Variants in TP63 observed in about 807,000 individuals in gnomAD.
The protein encoded by TP63 is tumor protein 63.
In TP63, 17 loss-of-function variants were observed where a neutral mutation model predicts 82.8. The observed-to-expected ratio is 0.21, with a 90% CI of 0.14 to 0.31. The LOEUF (loss-of-function observed/expected upper bound fraction) is 0.31, where lower values mean the gene tolerates loss of function less well. Among genes scored for constraint, TP63 ranks in the 10% least tolerant of loss-of-function variants. The pLI is 1.00. For synonymous variants in TP63, 330 were observed against 321.7 expected, an observed-to-expected ratio of 1.03 and a Z score of -0.28; for missense variants, 648 against 895.3, an observed-to-expected ratio of 0.72 and a Z score of 3.52.
intron 1 of TP63, among the ~76,000 whole-genome samples, chr3:189,720,863 G>A (rs142909410): frequency 2.6e-5 from 4 of 152,124 alleles, no homozygotes; most frequent in African/African-American, 9.6e-5. Context: ...CTCACACTAA[G>A]AGACAGCAAA....
chr3:189,645,741 T>A (rs1469302465), intron 1 of TP63, among the ~76,000 whole-genome samples: 2 of 145,666 alleles, frequency 1.4e-5, no homozygotes, highest in Non-Finnish European at 1.5e-5. Flanking sequence ...CACCTATGAG[T>A]GAGAACATGC....
the TP63 span, among the ~76,000 whole-genome samples, chr3:189,604,161 C>T: frequency 3.9e-5 from 6 of 152,278 alleles, no homozygotes; most frequent in South Asian, 4.1e-4. Flanking sequence ...TACCTCCTTG[C>T]GTGTCCATTC....
At chr3:189,756,264 AT>A (rs1255803630) in intron 3 of TP63, among the ~76,000 whole-genome samples, 1 of 152,182 alleles carries the variant, frequency 6.6e-6, no homozygotes, top group Non-Finnish European at 1.5e-5. Flanking sequence ...AAGAAAATAT[AT>A]TTCACATAGC....
chr3:189,795,380 G>A (rs993914602), intron 3 of TP63, among the ~76,000 whole-genome samples: 1 of 152,038 alleles, frequency 6.6e-6, no homozygotes, highest in African/African-American at 2.4e-5. Context: ...GGAGTTATGA[G>A]GGGTTCGTAA....
intron 10 of TP63, among the ~76,000 whole-genome samples, chr3:189,883,325 G>C (rs1444808256): frequency 6.6e-6 from 1 of 152,086 alleles, no homozygotes; most frequent in Non-Finnish European, 1.5e-5. Context: ...AGACTACCTT[G>C]CTTCCCTTCC....
At chr3:189,753,963 A>G (rs796084879) in intron 3 of TP63, among the ~76,000 whole-genome samples, 6 of 152,250 alleles carry the variant, frequency 3.9e-5, no homozygotes, top group African/African-American at 1.2e-4. Flanking sequence ...TCACACCTTT[A>G]TGTGATACTC....
At chr3:189,715,589 T>TCA (rs1219628615) in intron 1 of TP63, among the ~76,000 whole-genome samples, 1 of 152,156 alleles carries the variant, frequency 6.6e-6, no homozygotes, top group Non-Finnish European at 1.5e-5. Context: ...CTTAATAAGG[T>TCA]CACGGGTTGT....
chr3:189,612,393 A>G, the TP63 span, among the ~76,000 whole-genome samples: 1 of 151,918 alleles, frequency 6.6e-6, no homozygotes. Flanking sequence ...CTTCTTTCTC[A>G]TTTTTCTCTT....
At chr3:189,780,249 T>G (rs1288711987) in intron 3 of TP63, among the ~76,000 whole-genome samples, 1 of 152,176 alleles carries the variant, frequency 6.6e-6, no homozygotes, top group Non-Finnish European at 1.5e-5. Context: ...ATATAAGAGA[T>G]GTATGCTTTG....
chr3:189,606,519 T>G, the TP63 span, among the ~76,000 whole-genome samples: 3 of 143,322 alleles, frequency 2.1e-5, no homozygotes, highest in East Asian at 6.2e-4. Context: ...TTTTTTTTTT[T>G]TTTTTTTTTT....
chr3:189,838,205 T>C (rs181356464), intron 4 of TP63, among the ~76,000 whole-genome samples: 1 of 152,272 alleles, frequency 6.6e-6, no homozygotes, highest in East Asian at 1.9e-4. Context: ...TTATTCTTCC[T>C]ACCTTTTTGT....
intron 4 of TP63, among the ~76,000 whole-genome samples, chr3:189,812,214 A>G (rs1385924818): frequency 6.6e-6 from 1 of 152,184 alleles, no homozygotes; most frequent in African/African-American, 2.4e-5. Context: ...AATATATTTA[A>G]AGTATATGTG....
At chr3:189,825,800 A>C (rs907270141) in intron 4 of TP63, among the ~76,000 whole-genome samples, 6 of 152,216 alleles carry the variant, frequency 3.9e-5, no homozygotes, top group African/African-American at 1.4e-4. Context: ...CTTTAAAAAA[A>C]ATAATATTTT....
At chr3:189,695,015 C>T (rs1395148494) in intron 1 of TP63, among the ~76,000 whole-genome samples, 1 of 151,540 alleles carries the variant, frequency 6.6e-6, no homozygotes, top group Non-Finnish European at 1.5e-5. Flanking sequence ...CATGTTGGAC[C>T]AGGCTGGTCT....
chr3:189,828,403 A>G (rs1278672173), intron 4 of TP63, among the ~76,000 whole-genome samples: 2 of 152,076 alleles, frequency 1.3e-5, no homozygotes, highest in Non-Finnish European at 2.9e-5. Context: ...CCATTGTAAC[A>G]TTTTCTAGAC....
At chr3:189,814,668 T>C (rs898146596) in intron 4 of TP63, among the ~76,000 whole-genome samples, 2 of 152,222 alleles carry the variant, frequency 1.3e-5, no homozygotes, top group Non-Finnish European at 2.9e-5. Flanking sequence ...TGGTGATGGT[T>C]CAAGTAACTT....
At chr3:189,887,073 G>A (rs1285339882) in intron 11 of TP63, among the ~76,000 whole-genome samples, 1 of 151,920 alleles carries the variant, frequency 6.6e-6, no homozygotes, top group Admixed American at 6.6e-5. Flanking sequence ...GCTGAGCCTG[G>A]TGGTGCATGC....
chr3:189,876,217 A>G (rs865984904), intron 10 of TP63, among the ~76,000 whole-genome samples: 5 of 152,360 alleles, frequency 3.3e-5, no homozygotes, highest in Middle Eastern at 6.8e-3. Flanking sequence ...TTGACAAGCC[A>G]GGAGGATTGA....
the TP63 span, among the ~76,000 whole-genome samples, chr3:189,600,215 G>A: frequency 6.6e-6 from 1 of 152,142 alleles, no homozygotes; most frequent in Non-Finnish European, 1.5e-5. Flanking sequence ...CATCACTGTT[G>A]GGAGAGGGGG....
Sources: gnomAD v4.1 joint callset for allele counts (sites outside exome capture counted in the v4.1 genomes callset) on GRCh38, gnomAD v4.1.1 for gene constraint, MANE v1.5 for transcripts, NCBI Gene and HGNC (gene_info 2026-07-23, HGNC 2026-07-21) for gene names.